EVI5: variants seen among roughly 807,000 people sequenced by gnomAD.
EVI5 encodes ecotropic viral integration site 5 protein homolog.
A neutral mutation model predicts 112.0 loss-of-function variants in EVI5; 73 were observed. That is an observed-to-expected ratio of 0.65 (90% confidence interval 0.54 to 0.79). The LOEUF is 0.79. Among genes scored for constraint, EVI5 ranks in the 30% least tolerant of loss-of-function variants. The pLI is 0.00. For synonymous variants in EVI5, 305 were observed against 319.9 expected (o/e 0.95, Z 0.50); for missense variants, 900 against 968.8 (o/e 0.93, Z 0.94).
intron 9 of EVI5, among the ~76,000 whole-genome samples, chr1:92,690,019 G>C (rs553775352): frequency 6.6e-6 from 1 of 152,162 alleles, no homozygotes; most frequent in Middle Eastern, 3.4e-3. Context: ...CTATGGAAAA[G>C]CCAGGACTAC....
At chr1:92,578,673 G>GCGC (rs1557828000) in intron 18 of EVI5, among the ~76,000 whole-genome samples, 2 of 150,450 alleles carry the variant, frequency 1.3e-5, no homozygotes, top group African/African-American at 4.9e-5. Context: ...AGCTGAGATC[G>GCGC]CGCCACTGCA....
At chr1:92,758,295 G>A (rs745346964) in intron 1 of EVI5, among the ~76,000 whole-genome samples, 1 of 152,038 alleles carries the variant, frequency 6.6e-6, no homozygotes, top group Admixed American at 6.6e-5. Flanking sequence ...AAGGCTGGGC[G>A]CGGTGGCTCA....
At chr1:92,711,049 A>G (rs984811531) in intron 2 of EVI5, among the ~76,000 whole-genome samples, 4 of 152,210 alleles carry the variant, frequency 2.6e-5, no homozygotes, top group Non-Finnish European at 5.9e-5. Context: ...CACGATGGCC[A>G]TATAAGAAAA....
At chr1:92,752,779 G>A (rs116768808) in intron 1 of EVI5, among the ~76,000 whole-genome samples, 1,957 of 152,036 alleles carry the variant, frequency 0.013, 46 homozygotes, top group African/African-American at 0.044. Context: ...CTCAAAAGCC[G>A]GTGTCATAGT....
At chr1:92,663,745 T>C (rs1184269043) in intron 11 of EVI5, among the ~76,000 whole-genome samples, 1 of 152,208 alleles carries the variant, frequency 6.6e-6, no homozygotes, top group African/African-American at 2.4e-5. Flanking sequence ...TTGTTTGTTT[T>C]GTTTTTTTAA....
intron 9 of EVI5, among the ~76,000 whole-genome samples, chr1:92,691,260 A>T (rs1669455612): frequency 6.6e-6 from 1 of 152,214 alleles, no homozygotes. Context: ...AAATGAGGCA[A>T]ATTACTTTAT....
At position 92,769,527 on chromosome 1, in the gene EVI5, C is replaced by T. The variant is rs529835483; in HGVS notation, c.-82+15309G>A. On this transcript the variant is annotated intron_variant, in intron 1 of 19. Coordinates refer to ENST00000684568, the MANE Select transcript of EVI5 (RefSeq NM_001350197.2). ...AGGCAAAGAGCTCCACATCCCAATA[C>T]CTGGAACCTGTGACTATGTTATCTT... Among the ~76,000 whole-genome samples, 189 of 152,244 alleles carry T rather than the reference C, an allele frequency of 1.2e-3. 1 individual carries two copies. Among genetic ancestry groups the T allele is most frequent in the African/African-American group, 4.4e-3 (184 of 41,534 alleles).
chr1:92,630,653 G>T lies in EVI5; in HGVS notation c.1528-4719C>A, dbSNP rs1193999755. ...CTCTGATGGTAGTTTCTTTTGCTGT[G>T]CAGAAGCTCTTTAGTTTAATTAGAT... On this transcript the variant is annotated intron_variant, in intron 14 of 19. Coordinates refer to ENST00000684568, the MANE Select transcript of EVI5 (RefSeq NM_001350197.2). Among the ~76,000 whole-genome samples, 11 of 152,124 alleles carry T rather than the reference G, an allele frequency of 7.2e-5. No homozygotes were observed. In the East Asian group the frequency reaches 2.1e-3, roughly 29 times the overall value.
intron 15 of EVI5, 27 bp from the exon 16 acceptor site, chr1:92,624,361 C>T: frequency 5.6e-6 from 9 of 1,593,566 alleles, no homozygotes; most frequent in Non-Finnish European, 7.7e-6. Context: ...TATATTGCAA[C>T]AAATACTCTC....
chr1:92,701,734 C>G (rs192866494), intron 5 of EVI5, among the ~76,000 whole-genome samples: 47 of 151,768 alleles, frequency 3.1e-4, no homozygotes, highest in African/African-American at 1.1e-3. Context: ...AAGCTTTTAG[C>G]TCCATGATAA....
intron 18 of EVI5, among the ~76,000 whole-genome samples, chr1:92,575,998 T>C (rs1557822536): frequency 1.3e-5 from 2 of 152,224 alleles, no homozygotes; most frequent in Non-Finnish European, 2.9e-5. Context: ...ATACTGTTTT[T>C]ATTCCTTGTT....
intron 4 of EVI5, 35 bp from the exon 5 acceptor site, chr1:92,702,250 G>T: frequency 4.4e-6 from 5 of 1,125,930 alleles, no homozygotes; most frequent in Non-Finnish European, 5.1e-6. Flanking sequence ...AAAATACATG[G>T]TAAGTTATAC....
chr1:92,542,166 T>C (rs1664921066), intron 19 of EVI5, among the ~76,000 whole-genome samples: 1 of 152,228 alleles, frequency 6.6e-6, no homozygotes, highest in African/African-American at 2.4e-5. Flanking sequence ...ACCCTGCCAC[T>C]GCTTTATCAA....
chr1:92,525,285 T>TTTTTTTTTTTTA, intron 19 of EVI5, among the ~76,000 whole-genome samples: 7 of 148,700 alleles, frequency 4.7e-5, no homozygotes, highest in African/African-American at 1.8e-4. Context: ...TTTTTTTTTT[T>TTTTTTTTTTTTA]TTGAGACAGA....
chr1:92,581,973 AG>A (rs1292403968), intron 18 of EVI5, among the ~76,000 whole-genome samples: 1 of 152,214 alleles, frequency 6.6e-6, no homozygotes, highest in African/African-American at 2.4e-5. Context: ...GTTCTAATGT[AG>A]TCACGACTCG....
intron 13 of EVI5, among the ~76,000 whole-genome samples, chr1:92,640,999 C>T (rs1050990814): frequency 6.6e-6 from 1 of 151,984 alleles, no homozygotes; most frequent in Non-Finnish European, 1.5e-5. Flanking sequence ...TGTTCTCACT[C>T]TTAAGTGGGA....
At chr1:92,757,032 C>T (rs1681062095) in intron 1 of EVI5, 1 of 199,044 alleles carries the variant, frequency 5.0e-6, no homozygotes, top group South Asian at 9.3e-5. Flanking sequence ...TGTAAACTTC[C>T]ATTCAAAAGT....
rs1669890933 is a variant in EVI5 at position 92,693,909 on chromosome 1, A to C, written c.1000-10T>G. ...TGACCTTTTGAAAGTGCTAAGATAC[A>C]ATTAAAAAAAAAACATAAGAATGAC... On this transcript the variant is annotated splice_polypyrimidine_tract_variant and intron_variant, in intron 8 of 19. Transcript: ENST00000684568. 6.8e-7 allele frequency: 1 copy of C among 1,466,568 alleles called. No homozygotes were observed. The highest frequency in any genetic ancestry group is 1.4e-5 in the African/African-American group (1 of 70,806). 90.8% of individuals were successfully genotyped at this position (1,466,568 alleles called of 1,614,324 possible).
intron 16 of EVI5, among the ~76,000 whole-genome samples, chr1:92,616,913 T>C (rs1653315851): frequency 6.6e-6 from 1 of 152,186 alleles, no homozygotes; most frequent in Non-Finnish European, 1.5e-5. Context: ...GGAAGTGGTA[T>C]GTACGTGATC....
Sources: gnomAD v4.1 joint callset for allele counts (sites outside exome capture counted in the v4.1 genomes callset) on GRCh38, gnomAD v4.1.1 for gene constraint, MANE v1.5 for transcripts, NCBI Gene and HGNC (gene_info 2026-07-23, HGNC 2026-07-21) for gene names.